Variants in LIFR observed in about 807,000 individuals in gnomAD.
LIFR encodes the protein LIF receptor subunit alpha.
In LIFR, 84 loss-of-function variants were observed where a neutral mutation model predicts 122.2. The observed-to-expected ratio is 0.69, with a 90% CI of 0.58 to 0.82. The LOEUF (loss-of-function observed/expected upper bound fraction) is 0.82. Among genes scored for constraint, LIFR ranks in the 40% least tolerant of loss-of-function variants. LIFR has a pLI of 0.00. For missense variants in LIFR, 1,294 were observed against 1,311.6 expected (o/e 0.99, Z 0.21); for synonymous variants, 422 against 434.7 (o/e 0.97, Z 0.36).
In LIFR at chr5:38,485,892, G is replaced by T. The variant is rs757941188; in HGVS notation, c.2424C>A (p.His808Gln). The part of the protein sequence containing the change: ...IADLQGKTSY[H>Q]LVLRAYTDGG... ...CATCTGTATAGGCTCGCAAGACCAG[G>T]TGGTAACTTGTTTTACCTTGAAGAT... Residue 808 changes from histidine to glutamine, a missense_variant, in exon 17 of 20, where the codon CAC becomes CAA. By Grantham distance (24) the His-to-Gln change is conservative. Transcript: ENST00000453190. The T allele has an allele frequency of 1.5e-5, 25 of 1,613,980 alleles. No homozygotes were observed. Among genetic ancestry groups the T allele is most frequent in the Non-Finnish European group, 2.0e-5 (24 of 1,179,948 alleles).
chr5:38,491,154 C>A (rs887743982), intron 14 of LIFR, among the ~76,000 whole-genome samples: 2 of 152,116 alleles, frequency 1.3e-5, no homozygotes, highest in Non-Finnish European at 2.9e-5. Flanking sequence ...TGAGTTAACT[C>A]CACAAGATAT....
chr5:38,504,063 T>C lies in LIFR; in HGVS notation c.1350A>G (p.Lys450=). The C allele has an allele frequency of 6.3e-7, 1 of 1,590,004 alleles. No homozygotes were observed. The highest frequency in any genetic ancestry group is 8.6e-7 in the Non-Finnish European group (1 of 1,158,322). ...KVKDINSTAV[K]LSWHLPGNFA... is the part of the protein sequence containing the mutation. Reference sequence around the variant, plus strand: ...AGTTGCCTGGTAAATGCCAAGAAAGTTTAACAGCTGTTGAATTAATATCCT... The same window carrying C: ...AGTTGCCTGGTAAATGCCAAGAAAGCTTAACAGCTGTTGAATTAATATCCT... The change falls in exon 10 of 20, where the codon AAA becomes AAG. Residue 450 remains lysine, a synonymous_variant. Coordinates refer to ENST00000453190, the MANE Select transcript of LIFR (RefSeq NM_001127671.2).
upstream of LIFR, chr5:38,557,569 A>G (rs752605242): frequency 6.5e-6 from 1 of 154,800 alleles, no homozygotes; most frequent in Non-Finnish European, 1.5e-5. Flanking sequence ...TGAGTAGGAA[A>G]CAGGCTTGTT....
In LIFR at chr5:38,504,818, G is replaced by A. The variant is rs549163864; in HGVS notation, c.1292-697C>T. On this transcript the variant is annotated intron_variant, in intron 9 of 19. Transcript: ENST00000453190. ...TGACACTAGGAAAAATCCAGAAATC[G>A]CAAAGACGACAGGAAAGAACAACTG... Among the ~76,000 whole-genome samples, 30 of 152,084 alleles carry A rather than the reference G, an allele frequency of 2.0e-4. 1 individual carries two copies. Among genetic ancestry groups the A allele is most frequent in the Non-Finnish European group, 4.1e-4 (28 of 68,014 alleles).
chr5:38,511,747 A>C (rs1745815169), intron 6 of LIFR, 43 bp downstream of exon 6: 1 of 1,583,130 alleles, frequency 6.3e-7, no homozygotes, highest in Non-Finnish European at 8.7e-7. Context: ...AGTGAGACTA[A>C]TTTAATTCAT....
At chr5:38,533,380 A>T (rs989789292) in intron 1 of LIFR, among the ~76,000 whole-genome samples, 3 of 152,238 alleles carry the variant, frequency 2.0e-5, no homozygotes, top group African/African-American at 7.2e-5. Context: ...CTTCAATCTT[A>T]GACCATCATA....
chr5:38,583,994 G>C (rs1749671113), intron 1 of LIFR, among the ~76,000 whole-genome samples: 1 of 151,860 alleles, frequency 6.6e-6, no homozygotes. Flanking sequence ...CCAGCCATGT[G>C]GAACTGTGAG....
chr5:38,504,008 C>T lies in LIFR; in HGVS notation c.1405G>A (p.Glu469Lys). ...FAKINFLCEI[E>K]IKKSNSVQEQ... is the part of the protein sequence containing the mutation. ...TGTACTGAATTAGATTTCTTAATTT[C>T]AATTTCACATAAAAAATTAATCTTT... The change falls in exon 10 of 20, where the codon GAA becomes AAA. Residue 469 changes from glutamate to lysine, a missense_variant. Physicochemically the swap from Glu to Lys is moderately conservative, Grantham distance 56. Coordinates refer to ENST00000453190, the MANE Select transcript of LIFR (RefSeq NM_001127671.2). 6.3e-7 allele frequency: 1 copy of T among 1,584,190 alleles called. No homozygotes were observed. Among genetic ancestry groups the T allele is most frequent in the Non-Finnish European group, 8.7e-7 (1 of 1,153,252 alleles).
intron 1 of LIFR, among the ~76,000 whole-genome samples, chr5:38,535,157 C>T (rs774796995): frequency 2.6e-5 from 4 of 152,188 alleles, no homozygotes; most frequent in Non-Finnish European, 4.4e-5. Flanking sequence ...AGGCCTTGCA[C>T]ACTGCCTCTG....
intron 1 of LIFR, among the ~76,000 whole-genome samples, chr5:38,587,335 A>G (rs1749782899): frequency 1.3e-5 from 2 of 152,162 alleles, no homozygotes; most frequent in Non-Finnish European, 2.9e-5. Flanking sequence ...AAGATGTTTA[A>G]GCCTGGACAT....
At chr5:38,575,114 A>C (rs2112724659) in intron 1 of LIFR, among the ~76,000 whole-genome samples, 1 of 152,366 alleles carries the variant, frequency 6.6e-6, no homozygotes, top group East Asian at 1.9e-4. Flanking sequence ...AACAGCAAAA[A>C]TAAATGGTCT....
intron 2 of LIFR, among the ~76,000 whole-genome samples, chr5:38,605,003 T>C (rs1750296619): frequency 6.6e-6 from 1 of 152,102 alleles, no homozygotes; most frequent in Admixed American, 6.6e-5. Context: ...TAGAAAGGAA[T>C]GTCTGGGTTA....
intron 18 of LIFR, among the ~76,000 whole-genome samples, chr5:38,483,691 A>T (rs1262829613): frequency 6.6e-6 from 1 of 152,126 alleles, no homozygotes; most frequent in African/African-American, 2.4e-5. Flanking sequence ...GGCCTCCCAG[A>T]GTGTTGGGAT....
At chr5:38,539,049 C>T (rs1747442344) in intron 1 of LIFR, among the ~76,000 whole-genome samples, 1 of 152,134 alleles carries the variant, frequency 6.6e-6, no homozygotes. Context: ...CAAGCTCTGC[C>T]TCCCGTGTTC....
intron 1 of LIFR, among the ~76,000 whole-genome samples, chr5:38,591,236 C>T (rs1233473409): frequency 2.0e-5 from 3 of 152,236 alleles, no homozygotes; most frequent in Admixed American, 2.0e-4. Context: ...AGTTATGAAT[C>T]AATTTTTTCA....
Position 38,481,223 on chromosome 5 carries a change from C to T in LIFR, c.*372G>A. 1 of 305,460 alleles carries T rather than the reference C, an allele frequency of 3.3e-6. No individual in the cohort carries two copies. 18.9% of individuals were successfully genotyped at this position (305,460 alleles called of 1,614,324 possible). A position where few individuals can be genotyped will look rare whatever the true frequency, so the allele number is the denominator to read the frequency against. On this transcript the variant is annotated 3_prime_UTR_variant, in exon 20 of 20. Transcript: ENST00000453190. ...CCTGCAAATCCACTTACAATTCCAC[C>T]AAGTATACACATGAGAAAACCACAA...
chr5:38,522,366 C>T (rs1012927831), intron 5 of LIFR, among the ~76,000 whole-genome samples: 6 of 152,268 alleles, frequency 3.9e-5, no homozygotes, highest in South Asian at 4.1e-4. Context: ...TCTTGAATCC[C>T]GATGCTCTCT....
intron 1 of LIFR, among the ~76,000 whole-genome samples, chr5:38,543,905 A>C (rs962047664): frequency 2.6e-5 from 4 of 152,096 alleles, no homozygotes; most frequent in African/African-American, 9.7e-5. Flanking sequence ...GGTGTCTTGA[A>C]CTATGTCCAA....
rs112128697 is a variant in LIFR, at chr5:38,516,638, G to A, written c.562-4674C>T. Among the ~76,000 whole-genome samples, 307 of 152,234 alleles carry A rather than the reference G, an allele frequency of 2.0e-3. 1 individual carries two copies. The highest frequency in any genetic ancestry group is 7.0e-3 in the African/African-American group (289 of 41,526). On this transcript the variant is annotated intron_variant, in intron 5 of 19. Transcript: ENST00000453190. ...TGTGAATTAGTTCAACCACTGTGGA[G>A]GACAGTGTGGCAATTCCTCAAGGAT... is the stretch of plus-strand genomic sequence containing the variant.
Sources: gnomAD v4.1 joint callset for allele counts (sites outside exome capture counted in the v4.1 genomes callset) on GRCh38, gnomAD v4.1.1 for gene constraint, MANE v1.5 for transcripts, NCBI Gene and HGNC (gene_info 2026-07-23, HGNC 2026-07-21) for gene names.